The following PDE11A variants were observed in gnomAD, a reference collection of about 807,000 sequenced individuals.
PDE11A encodes dual 3',5'-cyclic-AMP and -GMP phosphodiesterase 11A.
A neutral mutation model predicts 100.5 loss-of-function variants in PDE11A; 100 were observed. The ratio of observed to expected loss-of-function variants is 1.00; its 90% CI spans 0.85 to 1.18. PDE11A has a LOEUF of 1.18. Among genes scored for constraint, PDE11A ranks in the 50% most tolerant of loss-of-function variants. The pLI is 0.00. For missense variants in PDE11A, 1,141 were observed against 1,152.6 expected (o/e 0.99, Z 0.15); for synonymous variants, 381 against 420.8 (o/e 0.91, Z 1.16).
intron 12 of PDE11A, among the ~76,000 whole-genome samples, chr2:177,723,477 T>G (rs2081559364): frequency 6.6e-6 from 1 of 152,180 alleles, no homozygotes; most frequent in African/African-American, 2.4e-5. Context: ...TGTGATCATG[T>G]GCTCTTCTCT....
chr2:177,760,211 A>C (rs16865769), intron 10 of PDE11A, among the ~76,000 whole-genome samples: 2 of 152,158 alleles, frequency 1.3e-5, no homozygotes, highest in African/African-American at 4.8e-5. Context: ...GTGAGCCTCA[A>C]GTGAGATAAT....
chr2:177,888,087 A>G (rs1270046298), intron 4 of PDE11A, among the ~76,000 whole-genome samples: 1 of 152,162 alleles, frequency 6.6e-6, no homozygotes, highest in Non-Finnish European at 1.5e-5. Context: ...ACCCAAATTG[A>G]TCCATAAATT....
chr2:178,088,663 G>C (rs551316351), intron 2 of PDE11A, among the ~76,000 whole-genome samples: 2 of 152,356 alleles, frequency 1.3e-5, no homozygotes, highest in African/African-American at 4.8e-5. Context: ...TGCTAAAAGT[G>C]ATCAGTGTTC....
At chr2:178,051,231 C>G (rs2086822760) in intron 1 of PDE11A, among the ~76,000 whole-genome samples, 1 of 152,218 alleles carries the variant, frequency 6.6e-6, no homozygotes, top group African/African-American at 2.4e-5. Context: ...AATTTTCAAC[C>G]CAGAATTTCA....
chr2:177,985,675 T>C (rs1049678704), intron 2 of PDE11A, among the ~76,000 whole-genome samples: 2 of 152,252 alleles, frequency 1.3e-5, no homozygotes, highest in East Asian at 3.8e-4. Context: ...GCACTGTGTA[T>C]CTCACTGAAC....
chr2:177,902,845 C>T (rs1045444009), intron 3 of PDE11A, among the ~76,000 whole-genome samples: 1 of 152,204 alleles, frequency 6.6e-6, no homozygotes, highest in African/African-American at 2.4e-5. Flanking sequence ...TCTGTCACTT[C>T]TCACTGCCCT....
At chr2:177,840,571 TATA>T (rs1355387480) in intron 5 of PDE11A, among the ~76,000 whole-genome samples, 188 bp from the exon 6 acceptor site, 1 of 152,208 alleles carries the variant, frequency 6.6e-6, no homozygotes, top group Non-Finnish European at 1.5e-5. Flanking sequence ...TGCTATAATG[TATA>T]ATAATTAAAT....
intron 10 of PDE11A, among the ~76,000 whole-genome samples, chr2:177,740,562 C>A (rs2081857415): frequency 6.6e-6 from 1 of 152,208 alleles, no homozygotes. Context: ...AAGCGACTTT[C>A]TCAAGGTCAC....
chr2:177,896,812 A>T (rs984885365), intron 4 of PDE11A, among the ~76,000 whole-genome samples: 1 of 152,172 alleles, frequency 6.6e-6, no homozygotes, highest in African/African-American at 2.4e-5. Context: ...ACACTCCATA[A>T]GTATGGCCTA....
chr2:177,745,898 G>A (rs1284170103), intron 10 of PDE11A, among the ~76,000 whole-genome samples: 23 of 152,278 alleles, frequency 1.5e-4, no homozygotes, highest in Non-Finnish European at 1.5e-5. Context: ...AGCCCAAGAG[G>A]TCCTCTGCTG....
At chr2:177,843,209 A>G (rs2083518851) in intron 5 of PDE11A, among the ~76,000 whole-genome samples, 1 of 152,236 alleles carries the variant, frequency 6.6e-6, no homozygotes, top group South Asian at 2.1e-4. Flanking sequence ...CAGAAAATGG[A>G]GACCTAGGAT....
intron 19 of PDE11A, among the ~76,000 whole-genome samples, chr2:177,634,181 C>A (rs1253034502): frequency 6.6e-6 from 1 of 152,128 alleles, no homozygotes; most frequent in Admixed American, 6.5e-5. Flanking sequence ...TATCCTTGCT[C>A]TTTGTTCTCC....
chr2:177,844,970 C>G (rs1197685964), intron 5 of PDE11A, among the ~76,000 whole-genome samples: 1 of 151,640 alleles, frequency 6.6e-6, no homozygotes, highest in East Asian at 1.9e-4. Context: ...CATCCGATTT[C>G]TCAATCTTTT....
chr2:177,790,029 GA>G (rs1450421173), intron 9 of PDE11A, among the ~76,000 whole-genome samples: 2 of 151,916 alleles, frequency 1.3e-5, no homozygotes, highest in East Asian at 3.9e-4. Context: ...CACAGAATTG[GA>G]AAAAACTACT....
intron 16 of PDE11A, among the ~76,000 whole-genome samples, chr2:177,676,752 G>A (rs1440723850): frequency 6.6e-6 from 1 of 152,192 alleles, no homozygotes; most frequent in Non-Finnish European, 1.5e-5. Flanking sequence ...TTTCTACACT[G>A]CTTACTGTGT....
At chr2:177,817,628 T>C (rs1358467729) in intron 8 of PDE11A, among the ~76,000 whole-genome samples, 5 of 152,182 alleles carry the variant, frequency 3.3e-5, no homozygotes, top group South Asian at 2.1e-4. Flanking sequence ...GGTAATTCTG[T>C]AATAAAATTA....
chr2:178,021,065 A>T (rs938424405), intron 1 of PDE11A, among the ~76,000 whole-genome samples: 1 of 151,238 alleles, frequency 6.6e-6, no homozygotes, highest in African/African-American at 2.4e-5. Flanking sequence ...AGGGTCAAGT[A>T]ATTTTCCTAC....
Position 177,812,162 on chromosome 2 carries a change from AT to A in PDE11A, c.1737+4666del, listed in dbSNP as rs896780498. Among the ~76,000 whole-genome samples, 294 of 151,902 alleles carry A rather than the reference AT, an allele frequency of 1.9e-3. 2 individuals are homozygous for A. Among genetic ancestry groups the A allele is most frequent in the African/African-American group, 6.5e-3 (271 of 41,448 alleles). On this transcript the variant is annotated intron_variant, in intron 9 of 19. Coordinates refer to ENST00000286063, the MANE Select transcript of PDE11A (RefSeq NM_016953.4). ...TGTAACTGTTAAAACAGGCTTGAAAATTTTTTTTTAACTTATAATTTTTGTA... is the reference window on the plus strand; with the variant it reads ...TGTAACTGTTAAAACAGGCTTGAAAATTTTTTTTAACTTATAATTTTTGTA...
At chr2:177,659,938 TG>T (rs1402009828) in intron 19 of PDE11A, among the ~76,000 whole-genome samples, 1 of 152,206 alleles carries the variant, frequency 6.6e-6, no homozygotes, top group African/African-American at 2.4e-5. Flanking sequence ...AGTCTTCTCT[TG>T]GGGAATGTGC....
Sources: allele counts gnomAD v4.1 joint callset (sites outside exome capture counted in the v4.1 genomes callset), GRCh38; gene constraint gnomAD v4.1.1; transcripts MANE v1.5; gene names NCBI Gene and HGNC (gene_info 2026-07-23, HGNC 2026-07-21).